The following NRG1 variants were observed in gnomAD, a reference collection of about 807,000 sequenced individuals.
NRG1 encodes pro-neuregulin-1, membrane-bound isoform.
NRG1 carries 18 observed loss-of-function variants against 63.8 expected under a neutral mutation model. The observed-to-expected ratio is 0.28, with a 90% CI of 0.19 to 0.42. NRG1 has a LOEUF of 0.42. NRG1 is among the 10% of genes least tolerant of loss of function. NRG1 has a pLI of 1.00. For missense variants in NRG1, 762 were observed against 814.7 expected (o/e 0.94, Z 0.79); for synonymous variants, 302 against 301.3 (o/e 1.00, Z -0.02).
intron 5 of NRG1, among the ~76,000 whole-genome samples, chr8:32,642,062 A>G (rs1417388766): frequency 6.6e-6 from 1 of 152,214 alleles, no homozygotes; most frequent in African/African-American, 2.4e-5. Flanking sequence ...AGGCTAAATT[A>G]ATTCAAGGCA....
In NRG1 at chr8:32,064,271, C is replaced by A. The variant is rs182974563; in HGVS notation, c.37+424840C>A. Among the ~76,000 whole-genome samples the A allele has an allele frequency of 2.6e-5, 4 of 152,184 alleles. No individual in the cohort carries two copies. In the East Asian group the frequency reaches 7.7e-4, roughly 29 times the overall value. The stretch of plus-strand genomic sequence containing the variant: ...CATTAAATTATAAGAATTATAAGGT[C>A]AAGATGGGATGGAGATTCTGGACCT... On this transcript the variant is annotated intron_variant, in intron 1 of 10. Transcript: ENST00000519301.
intron 1 of NRG1, among the ~76,000 whole-genome samples, chr8:32,071,276 T>G (rs1333346011): frequency 6.6e-6 from 1 of 152,240 alleles, no homozygotes. Context: ...TGTAAATAAA[T>G]GATATTTTTA....
chr8:32,477,184 T>C (rs1297696613), intron 1 of NRG1, among the ~76,000 whole-genome samples: 1 of 152,050 alleles, frequency 6.6e-6, no homozygotes, highest in African/African-American at 2.4e-5. Context: ...TTCCTCAGCT[T>C]TTCAAGGTCT....
At chr8:31,812,016 A>C (rs1408466135) in intron 1 of NRG1, among the ~76,000 whole-genome samples, 5 of 152,158 alleles carry the variant, frequency 3.3e-5, no homozygotes, top group African/African-American at 4.8e-5. Flanking sequence ...AACTTCCTAG[A>C]TAGAAATAGA....
chr8:31,951,052 C>T (rs1026068757), intron 1 of NRG1, among the ~76,000 whole-genome samples: 16 of 152,294 alleles, frequency 1.1e-4, no homozygotes, highest in African/African-American at 2.4e-4. Flanking sequence ...GGTCATATTT[C>T]GCTCATTTGT....
chr8:32,766,336 T>C (rs1831426597), exon 12 of NRG1: 2 of 152,176 alleles, frequency 1.3e-5, no homozygotes, highest in African/African-American at 4.8e-5. Context: ...CTGTGCACAG[T>C]GGTATCCTCA....
At chr8:31,765,815 C>T (rs1818002960) in intron 1 of NRG1, among the ~76,000 whole-genome samples, 2 of 152,112 alleles carry the variant, frequency 1.3e-5, no homozygotes, top group African/African-American at 4.8e-5. Flanking sequence ...CTCCTGGCTC[C>T]TTCTATCCTT....
At chr8:32,309,211 G>T (rs1009756649) in intron 1 of NRG1, among the ~76,000 whole-genome samples, 1 of 152,108 alleles carries the variant, frequency 6.6e-6, no homozygotes, top group African/African-American at 2.4e-5. Flanking sequence ...CCTTACCAGG[G>T]CGAGAAAATA....
At chr8:32,573,640 T>A (rs865821809) in intron 1 of NRG1, among the ~76,000 whole-genome samples, 16 of 152,216 alleles carry the variant, frequency 1.1e-4, no homozygotes, top group Middle Eastern at 3.4e-3. Context: ...AAGGCCTTTT[T>A]ATTTTTATTT....
At chr8:31,676,212 C>T (rs1292776220) in intron 1 of NRG1, among the ~76,000 whole-genome samples, 1 of 152,020 alleles carries the variant, frequency 6.6e-6, no homozygotes, top group Non-Finnish European at 1.5e-5. Context: ...AGCCTTTTGC[C>T]CGTAAGTTTA....
intron 1 of NRG1, among the ~76,000 whole-genome samples, chr8:32,199,914 G>A (rs1237516352): frequency 6.6e-6 from 1 of 152,040 alleles, no homozygotes; most frequent in Admixed American, 6.6e-5. Flanking sequence ...TGAGTAGCTG[G>A]GATTACAGGT....
At chr8:32,141,096 T>G (rs2131728549) in intron 1 of NRG1, among the ~76,000 whole-genome samples, 1 of 152,282 alleles carries the variant, frequency 6.6e-6, no homozygotes, top group African/African-American at 2.4e-5. Flanking sequence ...ACAGGAAATG[T>G]GTATTTTCCT....
intron 5 of NRG1, chr8:32,646,913 G>T: frequency 1.0e-6 from 1 of 984,386 alleles, no homozygotes; most frequent in Middle Eastern, 5.2e-4. Context: ...GGGGAGGAAA[G>T]AGAGAGAGGA....
intron 1 of NRG1, among the ~76,000 whole-genome samples, chr8:31,736,420 A>G (rs1279063457): frequency 6.6e-6 from 1 of 152,130 alleles, no homozygotes; most frequent in African/African-American, 2.4e-5. Context: ...CTATTATCCT[A>G]GAGATGTCTG....
At chr8:31,868,147 TACACACACACACAC>T (rs1047085862) in intron 1 of NRG1, among the ~76,000 whole-genome samples, 13 of 32,636 alleles carry the variant, frequency 4.0e-4, no homozygotes, top group Admixed American at 7.6e-4. Context: ...ACATACATCT[TACACACACACACAC>T]ACACACACAC....
intron 1 of NRG1, among the ~76,000 whole-genome samples, chr8:31,847,906 A>T (rs746011930): frequency 2.0e-5 from 3 of 152,236 alleles, no homozygotes; most frequent in Admixed American, 6.5e-5. Context: ...CTTTCTGTCC[A>T]ATAATAAAGA....
intron 1 of NRG1, among the ~76,000 whole-genome samples, chr8:32,336,896 C>T (rs1177636865): frequency 6.6e-6 from 1 of 152,000 alleles, no homozygotes; most frequent in East Asian, 1.9e-4. Flanking sequence ...AGGCATGAGC[C>T]ACTGTGCCCG....
chr8:32,670,259 G>A (rs554748448), intron 5 of NRG1, among the ~76,000 whole-genome samples: 2 of 152,170 alleles, frequency 1.3e-5, no homozygotes, highest in African/African-American at 2.4e-5. Context: ...TGAGGTGAAA[G>A]GGTTTTTAGG....
At chr8:32,506,308 G>A (rs907362413) in intron 1 of NRG1, among the ~76,000 whole-genome samples, 2 of 152,248 alleles carry the variant, frequency 1.3e-5, no homozygotes, top group South Asian at 2.1e-4. Flanking sequence ...TCTAAGTCAA[G>A]TTCTCGGGAC....
Sources: allele counts gnomAD v4.1 joint callset (sites outside exome capture counted in the v4.1 genomes callset), GRCh38; gene constraint gnomAD v4.1.1; transcripts MANE v1.5; gene names NCBI Gene and HGNC (gene_info 2026-07-23, HGNC 2026-07-21).